The following LRRC49 variants were observed in gnomAD, a reference collection of about 807,000 sequenced individuals.
The protein encoded by LRRC49 is leucine rich repeat containing 49, also known as leucine-rich repeat-containing protein 49.
LRRC49 carries 50 observed loss-of-function variants against 83.3 expected under a neutral mutation model. The ratio of observed to expected loss-of-function variants is 0.60; its 90% CI spans 0.48 to 0.76. LRRC49 has a LOEUF of 0.76. Among genes scored for constraint, LRRC49 ranks in the 30% least tolerant of loss-of-function variants. LRRC49 has a pLI of 0.00. For synonymous variants in LRRC49, 286 were observed against 283.3 expected (o/e 1.01, Z -0.10); for missense variants, 704 against 809.1 (o/e 0.87, Z 1.58).
At chr15:71,032,087 C>T (rs1293496822) in intron 14 of LRRC49, among the ~76,000 whole-genome samples, 1 of 152,152 alleles carries the variant, frequency 6.6e-6, no homozygotes, top group Non-Finnish European at 1.5e-5. Flanking sequence ...CAAACAGCTG[C>T]CCAGTTTTGT....
chr15:71,002,571 C>T (rs1197490843), intron 11 of LRRC49, among the ~76,000 whole-genome samples: 1 of 151,946 alleles, frequency 6.6e-6, no homozygotes, highest in African/African-American at 2.4e-5. Flanking sequence ...TGGTCATTTC[C>T]TGTCTATGAA....
In LRRC49 at chr15:71,052,869, G is replaced by GT. The variant is rs1438751071; in HGVS notation, c.*3259dup. 2 of 152,120 alleles carry GT rather than the reference G, an allele frequency of 1.3e-5. No homozygotes were observed. Among genetic ancestry groups the GT allele is most frequent in the Non-Finnish European group, 2.9e-5 (2 of 68,028 alleles). The allele number at this position is 152,120 out of a possible 1,614,324, so 9.4% of individuals were successfully genotyped here. On this transcript the variant is annotated 3_prime_UTR_variant, in exon 16 of 16. Coordinates refer to ENST00000260382, the MANE Select transcript of LRRC49 (RefSeq NM_017691.5). ...GGGAAGAATTTTGATGTCCATGGTC[G>GT]TTCCTAATCCACTTTCATGTTTTGT...
intron 11 of LRRC49, among the ~76,000 whole-genome samples, chr15:71,006,014 G>A (rs1015394001): frequency 5.3e-5 from 8 of 152,280 alleles, no homozygotes; most frequent in South Asian, 4.1e-4. Flanking sequence ...TAACTGAAAT[G>A]GGTTAGGTGT....
intron 14 of LRRC49, among the ~76,000 whole-genome samples, chr15:71,016,995 CT>C (rs1346184913): frequency 9.2e-5 from 14 of 151,804 alleles, no homozygotes; most frequent in Non-Finnish European, 1.9e-4. Context: ...GTCCCAGCTA[CT>C]TGTTGGGCTT....
intron 11 of LRRC49, among the ~76,000 whole-genome samples, chr15:70,990,038 C>T (rs2037802019): frequency 6.6e-6 from 1 of 152,150 alleles, no homozygotes; most frequent in South Asian, 2.1e-4. Context: ...TCATTCTGCC[C>T]CTACTGGGGG....
At position 70,878,068 on chromosome 15, in the gene LRRC49, G is replaced by T. The variant is rs193028928; in HGVS notation, c.18+4845G>T. Among the ~76,000 whole-genome samples, 1,236 of 152,248 alleles carry T rather than the reference G, an allele frequency of 8.1e-3. 13 individuals carry two copies. The highest frequency in any genetic ancestry group is 0.029 in the African/African-American group (1,193 of 41,546). ...GAATGGCGTGAACCCGGGAGGCAGA[G>T]TTTGCAGGGAGCCGAGCTTGCAACA... On this transcript the variant is annotated intron_variant, in intron 2 of 16. Transcript: ENST00000544974.
At chr15:70,854,570 C>A (rs988946935) in intron 1 of LRRC49, among the ~76,000 whole-genome samples, 1 of 152,204 alleles carries the variant, frequency 6.6e-6, no homozygotes, top group Non-Finnish European at 1.5e-5. Context: ...CTGCGTGTCT[C>A]CCCCACTGGC....
At chr15:70,989,443 C>G (rs1414648102) in intron 11 of LRRC49, among the ~76,000 whole-genome samples, 5 of 152,220 alleles carry the variant, frequency 3.3e-5, no homozygotes, top group Admixed American at 2.0e-4. Context: ...GAGGCTTCTG[C>G]ATTCTTCACG....
At position 70,989,332 on chromosome 15, in the gene LRRC49, G is replaced by A. The variant is rs181413843; in HGVS notation, c.1169+5075G>A. Among the ~76,000 whole-genome samples, 21 of 151,602 alleles carry A rather than the reference G, an allele frequency of 1.4e-4. 1 individual carries two copies. Among genetic ancestry groups the A allele is most frequent in the East Asian group, 1.2e-3 (6 of 5,164 alleles). On this transcript the variant is annotated intron_variant, in intron 11 of 15. Transcript: ENST00000260382. ...CCCATAGTTCTTGGAGGCTTTGTTC[G>A]TTTCTATTCTTTTTTTTCTAAACTT...
At chr15:70,941,689 A>G (rs1460731154) in intron 8 of LRRC49, among the ~76,000 whole-genome samples, 1 of 152,110 alleles carries the variant, frequency 6.6e-6, no homozygotes, top group Non-Finnish European at 1.5e-5. Context: ...TATCCTCCTT[A>G]TATCAGCATC....
intron 2 of LRRC49, chr15:70,883,057 A>G (rs1595979205): frequency 7.1e-6 from 5 of 703,588 alleles, no homozygotes; most frequent in Non-Finnish European, 1.1e-5. Context: ...AGGTGAATCT[A>G]TAGTCCAACC....
chr15:70,857,359 T>G (rs2141066679), intron 1 of LRRC49, among the ~76,000 whole-genome samples: 1 of 152,174 alleles, frequency 6.6e-6, no homozygotes, highest in Non-Finnish European at 1.5e-5. Context: ...GGCTAAGCGT[T>G]GAAGAGAAGA....
chr15:70,958,257 G>A (rs754714280), intron 8 of LRRC49, among the ~76,000 whole-genome samples: 25 of 151,594 alleles, frequency 1.6e-4, no homozygotes, highest in Non-Finnish European at 2.8e-4. Flanking sequence ...TTTCTTTTTC[G>A]TATACCCTTC....
chr15:70,853,789 C>G, intron 1 of LRRC49: 1 of 908,010 alleles, frequency 1.1e-6, no homozygotes. Context: ...GACTCAACCC[C>G]CTCTGCCCGA....
chr15:70,914,601 T>C (rs184128437), intron 6 of LRRC49, among the ~76,000 whole-genome samples: 1 of 152,166 alleles, frequency 6.6e-6, no homozygotes, highest in Non-Finnish European at 1.5e-5. Context: ...ATTTAAAAAG[T>C]AGAAACATCA....
At chr15:70,950,208 C>T (rs1285166475) in intron 8 of LRRC49, among the ~76,000 whole-genome samples, 1 of 152,122 alleles carries the variant, frequency 6.6e-6, no homozygotes, top group African/African-American at 2.4e-5. Context: ...TTCAGTCCAT[C>T]GATGATGGAC....
At chr15:71,012,759 A>G in intron 13 of LRRC49, 45 bp from the exon 14 acceptor site, 1 of 1,025,774 alleles carries the variant, frequency 9.7e-7, no homozygotes, top group Non-Finnish European at 1.5e-6. Flanking sequence ...TATTCAGCTA[A>G]GAGTTGGTGT....
chr15:70,985,969 G>A (rs2037598744), intron 11 of LRRC49, among the ~76,000 whole-genome samples: 1 of 148,858 alleles, frequency 6.7e-6, no homozygotes, highest in African/African-American at 2.5e-5. Context: ...TGAGGGCTCT[G>A]TTCTGTTCCA....
At chr15:71,032,731 C>A (rs540495292) in intron 14 of LRRC49, among the ~76,000 whole-genome samples, 1 of 152,250 alleles carries the variant, frequency 6.6e-6, no homozygotes, top group South Asian at 2.1e-4. Flanking sequence ...AAACGTAATT[C>A]ATCACATAAA....
Sources: allele counts gnomAD v4.1 joint callset (sites outside exome capture counted in the v4.1 genomes callset), GRCh38; gene constraint gnomAD v4.1.1; transcripts MANE v1.5; gene names NCBI Gene and HGNC (gene_info 2026-07-23, HGNC 2026-07-21).